ERC1: variants seen among roughly 807,000 people sequenced by gnomAD.
ERC1 encodes ELKS/RAB6-interacting/CAST family member 1, also known as RAB6 interacting protein 2.
ERC1 carries 56 observed loss-of-function variants against 132.0 expected under a neutral mutation model. That is an observed-to-expected ratio of 0.42 (90% confidence interval 0.34 to 0.53). The LOEUF is 0.53. Among genes scored for constraint, ERC1 ranks in the 20% least tolerant of loss-of-function variants. ERC1 has a pLI of 0.03. For missense variants in ERC1, 1,202 were observed against 1,349.9 expected (o/e 0.89, Z 1.72); for synonymous variants, 478 against 476.1 (o/e 1.00, Z -0.05).
chr12:1,302,988 A>G (rs1002435437), intron 15 of ERC1, among the ~76,000 whole-genome samples: 6 of 152,154 alleles, frequency 3.9e-5, no homozygotes, highest in Non-Finnish European at 1.5e-5. Flanking sequence ...TATGTACACT[A>G]TGCTATAGTC....
chr12:1,363,796 T>A (rs1182333233), intron 15 of ERC1, among the ~76,000 whole-genome samples: 1 of 152,166 alleles, frequency 6.6e-6, no homozygotes, highest in African/African-American at 2.4e-5. Flanking sequence ...GCTCAAGTGA[T>A]CCACCCGCCT....
intron 18 of ERC1, among the ~76,000 whole-genome samples, chr12:1,445,490 C>G (rs2093280326): frequency 6.6e-6 from 1 of 152,104 alleles, no homozygotes; most frequent in African/African-American, 2.4e-5. Context: ...CTTGGCCTCC[C>G]AAGGTGCTGG....
At chr12:1,396,856 A>G (rs1260108520) in intron 16 of ERC1, among the ~76,000 whole-genome samples, 1 of 152,196 alleles carries the variant, frequency 6.6e-6, no homozygotes, top group Non-Finnish European at 1.5e-5. Flanking sequence ...AGATGGGTCC[A>G]TTAGAGGCTC....
intron 7 of ERC1, among the ~76,000 whole-genome samples, chr12:1,129,871 A>G (rs551854229): frequency 6.6e-6 from 1 of 152,298 alleles, no homozygotes; most frequent in African/African-American, 2.4e-5. Flanking sequence ...CATTAATGTA[A>G]CAGGAGAAAC....
chr12:1,091,767 T>G (rs1054373997), intron 3 of ERC1, among the ~76,000 whole-genome samples: 2 of 152,092 alleles, frequency 1.3e-5, no homozygotes, highest in African/African-American at 4.8e-5. Flanking sequence ...GTGCTGAGAA[T>G]AAATGGAGGA....
At chr12:1,234,466 A>G (rs1329421045) in intron 12 of ERC1, among the ~76,000 whole-genome samples, 1 of 152,240 alleles carries the variant, frequency 6.6e-6, no homozygotes, top group East Asian at 1.9e-4. Context: ...TAATGAATTG[A>G]AAGATCCAAA....
At chr12:1,096,702 ACT>A (rs1392518354) in intron 3 of ERC1, among the ~76,000 whole-genome samples, 3 of 152,210 alleles carry the variant, frequency 2.0e-5, no homozygotes, top group East Asian at 1.9e-4. Context: ...GATTTTAAAA[ACT>A]CTTTTTTGAT....
At chr12:1,370,585 A>C (rs1758431276) in intron 15 of ERC1, among the ~76,000 whole-genome samples, 1 of 152,260 alleles carries the variant, frequency 6.6e-6, no homozygotes, top group Non-Finnish European at 1.5e-5. Context: ...TAAATGGATA[A>C]AGTATGTAAG....
At chr12:1,351,999 T>G (rs1363342303) in intron 15 of ERC1, among the ~76,000 whole-genome samples, 1 of 152,168 alleles carries the variant, frequency 6.6e-6, no homozygotes, top group Non-Finnish European at 1.5e-5. Flanking sequence ...GCTGAGTATA[T>G]ACTGCTTTGA....
chr12:1,455,750 C>T (rs528595633), intron 18 of ERC1, among the ~76,000 whole-genome samples: 12 of 152,240 alleles, frequency 7.9e-5, no homozygotes, highest in South Asian at 2.1e-4. Flanking sequence ...TATATAAATG[C>T]GAACCGTTTT....
intron 2 of ERC1, among the ~76,000 whole-genome samples, chr12:1,049,834 C>T (rs1971628988): frequency 6.7e-6 from 1 of 149,788 alleles, no homozygotes; most frequent in Non-Finnish European, 1.5e-5. Flanking sequence ...CTCACTGCAA[C>T]CTCCACCTCC....
intron 12 of ERC1, among the ~76,000 whole-genome samples, chr12:1,209,505 CATTT>C (rs1337487942): frequency 3.3e-5 from 5 of 151,112 alleles, no homozygotes; most frequent in South Asian, 4.2e-4. Context: ...CTAGTTCATT[CATTT>C]GTGTTGTCCT....
chr12:1,452,121 T>C (rs2093437435), intron 18 of ERC1, among the ~76,000 whole-genome samples: 1 of 152,252 alleles, frequency 6.6e-6, no homozygotes, highest in Non-Finnish European at 1.5e-5. Context: ...TATTTTGTTA[T>C]GGCAGCCCTA....
intron 14 of ERC1, among the ~76,000 whole-genome samples, chr12:1,273,428 G>A (rs2078020554): frequency 6.6e-6 from 1 of 152,000 alleles, no homozygotes. Flanking sequence ...TACTTTTTTG[G>A]CATAAAGTGA....
rs571836879 is a variant in ERC1 at position 1,141,353 on chromosome 12, A to G, written c.1570-267A>G. ...TTAGAAATACTGATTTTGAACCCCA[A>G]CCCTGTTGAATCAGAGACTAAGGGC... On this transcript the variant is annotated intron_variant, in intron 7 of 18. Coordinates refer to ENST00000360905, the MANE Select transcript of ERC1 (RefSeq NM_178040.4). Among the ~76,000 whole-genome samples the G allele has an allele frequency of 2.0e-5, 3 of 152,242 alleles. No homozygotes were observed. The East Asian group carries it at 5.8e-4, about 29-fold the overall frequency.
Position 1,398,025 on chromosome 12 carries a change from C to T in ERC1, c.2926-10124C>T, listed in dbSNP as rs566566119. On this transcript the variant is annotated intron_variant, in intron 16 of 18. Transcript: ENST00000360905. Reference sequence around the variant, plus strand: ...TTTTTTTTAGTGGTCTCACTCTCTCCCAGGCTGGAGCGCAGGGGCACAGTC... The same window carrying T: ...TTTTTTTTAGTGGTCTCACTCTCTCTCAGGCTGGAGCGCAGGGGCACAGTC... Among the ~76,000 whole-genome samples, 8 of 152,210 alleles carry T rather than the reference C, an allele frequency of 5.3e-5. No homozygotes were observed. In the East Asian group the frequency reaches 1.5e-3, roughly 29 times the overall value.
Position 1,049,777 on chromosome 12 carries a change from A to C in ERC1, c.669+21205A>C, listed in dbSNP as rs1971615863. Among the ~76,000 whole-genome samples, 10 of 120,912 alleles carry C rather than the reference A, an allele frequency of 8.3e-5. No homozygotes were observed. In the Admixed American group the frequency reaches 9.6e-4, roughly 12 times the overall value. 79.3% of individuals were successfully genotyped at this position (120,912 alleles called of 152,430 possible). The stretch of plus-strand genomic sequence containing the variant: ...TTTTTTTTTTTTTTTTTTAAGATGG[A>C]GTCTCACTCTTGTTGCCCAGGCTGG... On this transcript the variant is annotated intron_variant, in intron 2 of 18. Transcript: ENST00000360905.
intron 10 of ERC1, among the ~76,000 whole-genome samples, chr12:1,182,403 G>A (rs1379720645): frequency 1.3e-5 from 2 of 152,292 alleles, no homozygotes; most frequent in East Asian, 3.9e-4. Flanking sequence ...ATATGCAAAA[G>A]GAGGAAATTT....
intron 7 of ERC1, among the ~76,000 whole-genome samples, chr12:1,131,887 T>C (rs1056456726): frequency 7.2e-5 from 11 of 152,216 alleles, no homozygotes; most frequent in African/African-American, 2.7e-4. Context: ...GAAGTTGGCA[T>C]GACCTGTTTG....
Sources: gnomAD v4.1 joint callset for allele counts (sites outside exome capture counted in the v4.1 genomes callset) on GRCh38, gnomAD v4.1.1 for gene constraint, MANE v1.5 for transcripts, NCBI Gene and HGNC (gene_info 2026-07-23, HGNC 2026-07-21) for gene names.